Variants in KAT6A observed in about 807,000 individuals in gnomAD.
KAT6A encodes lysine acetyltransferase 6A, also known as histone acetyltransferase KAT6A.
KAT6A carries 9 observed loss-of-function variants against 198.4 expected under a neutral mutation model. The ratio of observed to expected loss-of-function variants is 0.05; its 90% CI spans 0.03 to 0.08. The LOEUF is 0.08. KAT6A is among the 10% of genes least tolerant of loss of function. The probability of loss-of-function intolerance (pLI) is 1.00; values close to 1 mark genes in which losing one functional copy is unlikely to be tolerated. For synonymous variants in KAT6A, 890 were observed against 883.0 expected (o/e 1.01, Z -0.14); for missense variants, 2,077 against 2,509.9 (o/e 0.83, Z 3.69).
rs930544267 is a variant in KAT6A at position 41,933,832 on chromosome 8, T to A, written c.4388A>T (p.Asp1463Val). The part of the protein sequence containing the change: ...CQTLQSYTQA[D>V]EDPQMSMVED... ...AACCATGGACATCTGAGGGTCCTCG[T>A]CAGCCTGGGTGTAACTCTGCAGGGT... Residue 1463 changes from aspartate (D) to valine (V), a missense_variant, in exon 17 of 17, where the codon GAC becomes GTC. Physicochemically the swap from Asp to Val is radical, Grantham distance 152 (BLOSUM62 -3). Coordinates refer to ENST00000265713, the MANE Select transcript of KAT6A (RefSeq NM_006766.5). The surrounding 1 kb of genome is among the most constrained non-coding windows in gnomAD (Gnocchi z 6.2). 6.2e-7 allele frequency: 1 copy of A among 1,614,004 alleles called. No homozygotes were observed. Among genetic ancestry groups the A allele is most frequent in the African/African-American group, 1.3e-5 (1 of 74,898 alleles).
chr8:41,991,544 G>T (rs1824945739), intron 2 of KAT6A, among the ~76,000 whole-genome samples: 1 of 152,136 alleles, frequency 6.6e-6, no homozygotes, highest in Non-Finnish European at 1.5e-5. Flanking sequence ...TGGTTTCATG[G>T]ATGTTAATTA....
At position 42,032,452 on chromosome 8, in the gene KAT6A, T is replaced by A. The variant is rs146246735; in HGVS notation, c.600+15926A>T. Among the ~76,000 whole-genome samples the A allele has an allele frequency of 1.2e-4, 18 of 152,322 alleles. No individual in the cohort carries two copies. The East Asian group carries it at 3.5e-3, about 29-fold the overall frequency. Reference sequence around the variant, plus strand: ...AGGGGAACAGATTTTATTTCCCTTTTTCCTTCTTCTCTAGGTTTGTCCCGA... The same window carrying A: ...AGGGGAACAGATTTTATTTCCCTTTATCCTTCTTCTCTAGGTTTGTCCCGA... On this transcript the variant is annotated intron_variant, in intron 2 of 16. Coordinates refer to ENST00000265713, the MANE Select transcript of KAT6A (RefSeq NM_006766.5).
chr8:42,040,928 C>T (rs1827636820), intron 2 of KAT6A, among the ~76,000 whole-genome samples: 1 of 151,426 alleles, frequency 6.6e-6, no homozygotes, highest in Admixed American at 6.6e-5. Context: ...AAAATCTGCA[C>T]AGTTGGCCAG....
chr8:41,946,729 A>G (rs772127094), intron 11 of KAT6A, 45 bp from the exon 12 acceptor site: 2 of 1,106,978 alleles, frequency 1.8e-6, no homozygotes, highest in Admixed American at 1.7e-5. Context: ...GGCTGGTAAA[A>G]GTGAATAATA....
At chr8:41,962,437 C>G (rs1436633041) in intron 8 of KAT6A, among the ~76,000 whole-genome samples, 1 of 152,128 alleles carries the variant, frequency 6.6e-6, no homozygotes, top group African/African-American at 2.4e-5. Flanking sequence ...GTTCTGGCAT[C>G]GTCTCGGACT....
chr8:42,036,047 G>A (rs185553622), intron 2 of KAT6A, among the ~76,000 whole-genome samples: 14 of 152,124 alleles, frequency 9.2e-5, no homozygotes, highest in African/African-American at 1.9e-4. Flanking sequence ...GTAGCAAAGC[G>A]GGCAGAAATA....
chr8:41,933,282 G>A lies in KAT6A; in HGVS notation c.4938C>T (p.Asn1646=), dbSNP rs756058983. 17 of 1,579,232 alleles carry A rather than the reference G, an allele frequency of 1.1e-5. No individual in the cohort carries two copies. Among genetic ancestry groups the A allele is most frequent in the Admixed American group, 3.4e-5 (2 of 58,574 alleles). ...QSCVVERPPS[N]QQQQPPPPPP... is the part of the protein sequence containing the mutation. ...GCGGTGGTGGCGGCTGCTGCTGCTG[G>A]TTACTGGGAGGCCTCTCCACCACGC... The change falls in exon 17 of 17, where the codon AAC becomes AAT. Residue 1646 remains asparagine, a synonymous_variant. Transcript: ENST00000265713. This position sits in a 1 kb window ranked among gnomAD's most constrained non-coding sequence, Gnocchi z 6.2.
intron 2 of KAT6A, among the ~76,000 whole-genome samples, chr8:42,002,488 G>T (rs920681658): frequency 6.6e-6 from 1 of 152,258 alleles, no homozygotes; most frequent in African/African-American, 2.4e-5. Flanking sequence ...TTGAACCTGG[G>T]GGGTGGAGGT....
chr8:41,943,120 C>A, intron 13 of KAT6A, 120 bp from the exon 14 acceptor site: 2 of 1,295,828 alleles, frequency 1.5e-6, no homozygotes, highest in Non-Finnish European at 2.1e-6. Context: ...GATAGCCTGC[C>A]TGGGACGATG....
chr8:41,947,784 G>A lies in KAT6A; in HGVS notation c.1869C>T (p.Val623=). ...FLFYVLTQND[V]KGCHLVGYFS... Reference sequence around the variant, plus strand: ...AGTAGCCAACAAGGTGGCAGCCCTTGACATCATTCTGTGTTAGTACATAAA... The same window carrying A: ...AGTAGCCAACAAGGTGGCAGCCCTTAACATCATTCTGTGTTAGTACATAAA... Residue 623 remains valine, a synonymous_variant, in exon 11 of 17, where the codon GTC becomes GTT. Transcript: ENST00000265713. 6.2e-7 allele frequency: 1 copy of A among 1,600,968 alleles called. No individual in the cohort carries two copies. Among genetic ancestry groups the A allele is most frequent in the Non-Finnish European group, 8.5e-7 (1 of 1,176,768 alleles).
chr8:42,010,454 A>T (rs1429258655), intron 2 of KAT6A, among the ~76,000 whole-genome samples: 2 of 152,094 alleles, frequency 1.3e-5, no homozygotes, highest in African/African-American at 4.8e-5. Flanking sequence ...AAGCAATAAC[A>T]TTTACTAATT....
intron 2 of KAT6A, among the ~76,000 whole-genome samples, chr8:42,029,266 G>A (rs1826989970): frequency 6.6e-6 from 1 of 152,008 alleles, no homozygotes; most frequent in Non-Finnish European, 1.5e-5. Flanking sequence ...AACACCTTAT[G>A]GACTGAATCT....
chr8:41,943,073 C>T, intron 13 of KAT6A, 73 bp from the exon 14 acceptor site: 2 of 1,580,592 alleles, frequency 1.3e-6, no homozygotes, highest in Middle Eastern at 2.3e-4. Flanking sequence ...GGAGATGAGA[C>T]CCCTGGTGAA....
chr8:41,953,897 A>G (rs1822793062), intron 9 of KAT6A, among the ~76,000 whole-genome samples: 2 of 152,240 alleles, frequency 1.3e-5, no homozygotes, highest in African/African-American at 4.8e-5. Flanking sequence ...TACAATACAT[A>G]CATGTATAAT....
intron 1 of KAT6A, 177 bp from the exon 2 acceptor site, chr8:42,049,479 G>GAAAAAAAAAGAAAAGA (rs1802490085): frequency 1.4e-5 from 2 of 145,802 alleles, no homozygotes; most frequent in African/African-American, 5.6e-5. Flanking sequence ...GGATAAAAAA[G>GAAAAAAAAAGAAAAGA]AAAAAAAAAG....
intron 8 of KAT6A, among the ~76,000 whole-genome samples, chr8:41,961,243 T>A (rs1020698225): frequency 6.6e-6 from 1 of 152,228 alleles, no homozygotes; most frequent in Admixed American, 6.5e-5. Flanking sequence ...TGCCTCCACC[T>A]TTGTGCCACA....
intron 2 of KAT6A, among the ~76,000 whole-genome samples, chr8:41,993,545 C>G (rs1825043331): frequency 6.6e-6 from 1 of 152,134 alleles, no homozygotes; most frequent in South Asian, 2.1e-4. Flanking sequence ...GCTACCAAAC[C>G]AAAGTGAATC....
chr8:42,023,525 T>C (rs949956072), intron 2 of KAT6A, among the ~76,000 whole-genome samples: 3 of 152,078 alleles, frequency 2.0e-5, no homozygotes, highest in South Asian at 2.1e-4. Context: ...TCACACTCTG[T>C]TGCCCAGGCT....
intron 8 of KAT6A, among the ~76,000 whole-genome samples, chr8:41,966,048 A>G (rs2150878746): frequency 6.6e-6 from 1 of 152,306 alleles, no homozygotes; most frequent in African/African-American, 2.4e-5. Flanking sequence ...TTCAAATCCT[A>G]TCTCGGCTGA....
Sources: allele counts gnomAD v4.1 joint callset (sites outside exome capture counted in the v4.1 genomes callset), GRCh38; gene constraint gnomAD v4.1.1; non-coding constraint Gnocchi (gnomAD v3.1); transcripts MANE v1.5; gene names NCBI Gene and HGNC (gene_info 2026-07-23, HGNC 2026-07-21).